The following ADAMTS9 variants were observed in gnomAD, a reference collection of about 807,000 sequenced individuals.
The protein encoded by ADAMTS9 is A disintegrin and metalloproteinase with thrombospondin motifs 9.
Under a neutral mutation model 257.1 loss-of-function variants are expected in ADAMTS9, and 107 were observed. That is an observed-to-expected ratio of 0.42 (90% CI 0.36 to 0.49). The LOEUF is 0.49. ADAMTS9 is among the 20% of genes least tolerant of loss of function. The pLI, the probability that ADAMTS9 is intolerant of heterozygous loss-of-function variation, is 0.03. For synonymous variants in ADAMTS9, 982 were observed against 880.9 expected, an observed-to-expected ratio of 1.11 and a Z score of -2.03; for missense variants, 2,353 against 2,469.1, an observed-to-expected ratio of 0.95 and a Z score of 1.00.
intron 3 of ADAMTS9, among the ~76,000 whole-genome samples, chr3:64,662,525 T>A (rs1047944659): frequency 1.3e-4 from 20 of 152,180 alleles, no homozygotes; most frequent in African/African-American, 3.9e-4. Flanking sequence ...TGTTGTTGAA[T>A]TGTCTATTTG....
At chr3:64,633,980 A>G (rs531114499) in intron 12 of ADAMTS9, 101 bp from the exon 13 acceptor site, 1 of 1,135,222 alleles carries the variant, frequency 8.8e-7, no homozygotes, top group Non-Finnish European at 1.2e-6. Flanking sequence ...AGAGAAGTAA[A>G]TCTAGGGTGG....
intron 39 of ADAMTS9, among the ~76,000 whole-genome samples, chr3:64,518,401 A>G (rs2082807269): frequency 6.6e-6 from 1 of 152,200 alleles, no homozygotes; most frequent in South Asian, 2.1e-4. Flanking sequence ...CAGGTGGGTC[A>G]CATGAATTGG....
At chr3:64,537,516 C>T (rs1310561846) in intron 37 of ADAMTS9, among the ~76,000 whole-genome samples, 1 of 152,164 alleles carries the variant, frequency 6.6e-6, no homozygotes, top group African/African-American at 2.4e-5. Flanking sequence ...TTTTCCTTCT[C>T]TCCTGAGAGC....
At chr3:64,586,352 G>GA (rs1559778320) in intron 28 of ADAMTS9, among the ~76,000 whole-genome samples, 2 of 152,054 alleles carry the variant, frequency 1.3e-5, no homozygotes, top group Non-Finnish European at 2.9e-5. Flanking sequence ...ATTAAGTGGG[G>GA]AAAAAAATCT....
intron 32 of ADAMTS9, among the ~76,000 whole-genome samples, chr3:64,543,663 A>T (rs1460255434): frequency 6.6e-6 from 1 of 152,248 alleles, no homozygotes; most frequent in East Asian, 1.9e-4. Context: ...CCAATATCAT[A>T]CTGAATGGGC....
intron 28 of ADAMTS9, among the ~76,000 whole-genome samples, chr3:64,593,961 A>ATGTGTGTGTGTG (rs200112357): frequency 0.011 from 1,214 of 108,268 alleles, 13 homozygotes; most frequent in Non-Finnish European, 0.016. Flanking sequence ...TGTGTGTATG[A>ATGTGTGTGTGTG]TGTGTGTGTG....
intron 30 of ADAMTS9, among the ~76,000 whole-genome samples, chr3:64,557,171 G>A (rs1436806723): frequency 6.6e-6 from 1 of 152,124 alleles, no homozygotes; most frequent in African/African-American, 2.4e-5. Context: ...GGTGACTGAG[G>A]TGAAGGTCAG....
chr3:64,612,087 G>T (rs1320919068), intron 22 of ADAMTS9, among the ~76,000 whole-genome samples: 1 of 152,042 alleles, frequency 6.6e-6, no homozygotes, highest in Non-Finnish European at 1.5e-5. Flanking sequence ...GTAGGACTGG[G>T]TTTGGTTTTC....
intron 4 of ADAMTS9, among the ~76,000 whole-genome samples, chr3:64,657,881 T>C (rs1701120470): frequency 6.6e-6 from 1 of 152,156 alleles, no homozygotes; most frequent in South Asian, 2.1e-4. Flanking sequence ...TTTTAAAAAA[T>C]CGTGCAAATT....
chr3:64,633,298 A>C (rs749111708), intron 14 of ADAMTS9, among the ~76,000 whole-genome samples, 174 bp downstream of exon 14: 4 of 152,126 alleles, frequency 2.6e-5, no homozygotes, highest in African/African-American at 4.8e-5. Context: ...TTGGCACTAC[A>C]CGCATCAGAA....
chr3:64,610,054 G>A (rs2084636836), intron 22 of ADAMTS9, among the ~76,000 whole-genome samples: 1 of 152,116 alleles, frequency 6.6e-6, no homozygotes, highest in Admixed American at 6.5e-5. Context: ...TGAGACAACT[G>A]GATACCTACA....
intron 22 of ADAMTS9, among the ~76,000 whole-genome samples, chr3:64,610,671 A>C (rs895662894): frequency 6.6e-6 from 1 of 152,198 alleles, no homozygotes; most frequent in South Asian, 2.1e-4. Context: ...AATTTTAAAA[A>C]GGGAAAATAA....
At chr3:64,574,432 A>G (rs1196309249) in intron 28 of ADAMTS9, among the ~76,000 whole-genome samples, 1 of 151,876 alleles carries the variant, frequency 6.6e-6, no homozygotes, top group East Asian at 1.9e-4. Context: ...TAGGCTTTAC[A>G]TACAGCATGG....
rs775684775 is a variant in ADAMTS9 at position 64,593,958 on chromosome 3, ATGATGTGTGTGTGTG to A, written c.4356+285_4356+299del. Among the ~76,000 whole-genome samples the A allele has an allele frequency of 2.3e-3, 284 of 125,188 alleles. 1 individual carries two copies. Among genetic ancestry groups the A allele is most frequent in the African/African-American group, 8.2e-3 (269 of 32,852 alleles). The allele number at this position is 125,188 out of a possible 152,430, so 82.1% of individuals were successfully genotyped here. ...AAAATCACTATGTATGTGTGTGTGT[ATGATGTGTGTGTGTG>A]TGTGTGTGTGTGTGTGTGTGTGTGT... is the stretch of plus-strand genomic sequence containing the variant. On this transcript the variant is annotated intron_variant, in intron 28 of 39. Transcript: ENST00000498707.
At chr3:64,633,163 C>T (rs9968194) in intron 14 of ADAMTS9, among the ~76,000 whole-genome samples, 80,361 of 151,982 alleles carry the variant, frequency 0.53, 22,682 homozygotes, top group African/African-American at 0.74. Flanking sequence ...TGCTTAAGCA[C>T]TGAGTTTATA....
chr3:64,538,530 T>G (rs2083078630), intron 37 of ADAMTS9, among the ~76,000 whole-genome samples: 1 of 152,062 alleles, frequency 6.6e-6, no homozygotes, highest in Admixed American at 6.5e-5. Context: ...GAAAAAGTCC[T>G]TCCAGACTTT....
At chr3:64,662,783 G>A (rs1306940679) in intron 3 of ADAMTS9, among the ~76,000 whole-genome samples, 1 of 152,072 alleles carries the variant, frequency 6.6e-6, no homozygotes, top group East Asian at 1.9e-4. Context: ...AGTAGTACAA[G>A]TTGGGTATCC....
At chr3:64,529,409 T>C (rs2082949532) in intron 38 of ADAMTS9, among the ~76,000 whole-genome samples, 1 of 151,998 alleles carries the variant, frequency 6.6e-6, no homozygotes, top group African/African-American at 2.4e-5. Context: ...GTTTGGAAAA[T>C]TGAGGTTTTC....
At chr3:64,623,614 C>T (rs1439541632) in intron 16 of ADAMTS9, among the ~76,000 whole-genome samples, 5 of 152,168 alleles carry the variant, frequency 3.3e-5, no homozygotes, top group Non-Finnish European at 7.3e-5. Context: ...TAATTTGTTA[C>T]ACAGTAAAAG....
Sources: allele counts gnomAD v4.1 joint callset (sites outside exome capture counted in the v4.1 genomes callset), GRCh38; gene constraint gnomAD v4.1.1; transcripts MANE v1.5; gene names NCBI Gene and HGNC (gene_info 2026-07-23, HGNC 2026-07-21).